PRKCSH: variants seen among roughly 807,000 people sequenced by gnomAD.
The protein encoded by PRKCSH is glucosidase 2 subunit beta.
A neutral mutation model predicts 79.7 loss-of-function variants in PRKCSH; 42 were observed. The ratio of observed to expected loss-of-function variants is 0.53; its 90% CI spans 0.41 to 0.68. The LOEUF (loss-of-function observed/expected upper bound fraction) is 0.68. Among genes scored for constraint, PRKCSH ranks in the 30% least tolerant of loss-of-function variants. The probability of loss-of-function intolerance (pLI) is 0.00; values close to 1 mark genes in which losing one functional copy is unlikely to be tolerated. For missense variants in PRKCSH, 686 were observed against 709.0 expected, an observed-to-expected ratio of 0.97 and a Z score of 0.37; for synonymous variants, 325 against 288.2, an observed-to-expected ratio of 1.13 and a Z score of -1.29.
chr19:11,444,177 C>T (rs557866623), intron 7 of PRKCSH, among the ~76,000 whole-genome samples: 1 of 152,346 alleles, frequency 6.6e-6, no homozygotes, highest in Non-Finnish European at 1.5e-5. Flanking sequence ...AATTCACTGT[C>T]TGGCTCTGTC....
rs896966538 is a variant in PRKCSH at position 11,435,817 on chromosome 19, G to A, written c.-78+111G>A. ...GGCTGTTAATCCCTTTGGTCTGTTG[G>A]CGGGAATTGGGTCACAATTGGGCAC... On this transcript the variant is annotated intron_variant, in intron 1 of 17. Coordinates refer to ENST00000677123, the MANE Select transcript of PRKCSH (RefSeq NM_001289104.2). 14 of 1,382,084 alleles carry A rather than the reference G, an allele frequency of 1.0e-5. No homozygotes were observed. The Admixed American group carries it at 3.0e-4, about 30-fold the overall frequency. The allele number at this position is 1,382,084 out of a possible 1,614,324, so 85.6% of individuals were successfully genotyped here. A position where few individuals can be genotyped will look rare whatever the true frequency, so the allele number is the denominator to read the frequency against.
chr19:11,445,471 G>A lies in PRKCSH; in HGVS notation c.681G>A (p.Gly227=). The change falls in exon 8 of 18, where the codon GGG becomes GGA. Residue 227 remains glycine, a splice_region_variant and synonymous_variant. Transcript: ENST00000677123. The part of the protein sequence containing the change: ...AFKELDDDMD[G]TVSVTELQTH... ...AGGAGCTGGATGATGACATGGACGG[G>A]ACGTGAGTGTCCCCTAGTTGGAGCT... The A allele has an allele frequency of 1.9e-6, 3 of 1,613,860 alleles. No homozygotes were observed. The highest frequency in any genetic ancestry group is 2.5e-6 in the Non-Finnish European group (3 of 1,179,884).
At chr19:11,441,480 G>T (rs1346944476) in intron 6 of PRKCSH, 123 bp downstream of exon 6, 8 of 895,782 alleles carry the variant, frequency 8.9e-6, no homozygotes, top group African/African-American at 1.6e-5. Context: ...CTGCCTTTCG[G>T]AGCTTTGCTT....
intron 9 of PRKCSH, 89 bp downstream of exon 9, chr19:11,446,439 C>T (rs1033085709): frequency 6.9e-7 from 1 of 1,452,266 alleles, no homozygotes; most frequent in South Asian, 1.2e-5. Flanking sequence ...AAGGAAAGCT[C>T]CTTGCTGGCC....
At chr19:11,437,525 G>A (rs577423783) in intron 3 of PRKCSH, among the ~76,000 whole-genome samples, 110 of 151,200 alleles carry the variant, frequency 7.3e-4, no homozygotes, top group African/African-American at 2.4e-3. Flanking sequence ...CTAATTTTTC[G>A]TATTTTTAGT....
At chr19:11,443,213 G>A (rs1297986764) in intron 7 of PRKCSH, among the ~76,000 whole-genome samples, 2 of 151,404 alleles carry the variant, frequency 1.3e-5, no homozygotes, top group African/African-American at 4.9e-5. Flanking sequence ...AGGAGTTCGA[G>A]ACCACCCTGG....
Position 11,449,471 on chromosome 19 carries a change from G to T in PRKCSH, c.*16+43G>T. ...GTCTCGTCGGCCTGCCCCAGCAAGGGGAGGCGGCGGGCCCTGAGGAAGATG... is the reference window on the plus strand; with the variant it reads ...GTCTCGTCGGCCTGCCCCAGCAAGGTGAGGCGGCGGGCCCTGAGGAAGATG... On this transcript the variant is annotated intron_variant, in intron 17 of 17. Coordinates refer to ENST00000677123, the MANE Select transcript of PRKCSH (RefSeq NM_001289104.2). This position sits in a 1 kb window ranked among gnomAD's most constrained non-coding sequence, Gnocchi z 6.4. 1 of 1,611,280 alleles carries T rather than the reference G, an allele frequency of 6.2e-7. No individual in the cohort carries two copies.
intron 1 of PRKCSH, 131 bp downstream of exon 1, chr19:11,435,837 G>A (rs1216314119): frequency 2.4e-6 from 3 of 1,258,268 alleles, no homozygotes; most frequent in African/African-American, 3.0e-5. Flanking sequence ...GGTCACAATT[G>A]GGCACAGGGA....
At chr19:11,442,896 G>T (rs541965735) in intron 7 of PRKCSH, among the ~76,000 whole-genome samples, 1 of 152,096 alleles carries the variant, frequency 6.6e-6, no homozygotes, top group South Asian at 2.1e-4. Flanking sequence ...TAGAGACGGG[G>T]TTTCACAATG....
intron 5 of PRKCSH, among the ~76,000 whole-genome samples, chr19:11,439,605 CTTTTTTTT>C (rs758607686): frequency 3.2e-4 from 22 of 68,848 alleles, no homozygotes; most frequent in African/African-American, 7.4e-4. Context: ...TTTTTCTTTT[CTTTTTTTT>C]TTTTTTTTTT....
In PRKCSH at chr19:11,447,841, G is replaced by T. The variant is rs529689448; in HGVS notation, c.1126+52G>T. 4.0e-6 allele frequency: 6 copies of T among 1,499,860 alleles called. No individual in the cohort carries two copies. Among genetic ancestry groups the T allele is most frequent in the South Asian group, 3.9e-5 (3 of 77,738 alleles). The allele number at this position is 1,499,860 out of a possible 1,614,324, so 92.9% of individuals were successfully genotyped here. Reference sequence around the variant, plus strand: ...TCGGGTGGGCCCAGCGTTTCCTGCCGTGGTGGCACAGGTCGAGGGAAGATC... The same window carrying T: ...TCGGGTGGGCCCAGCGTTTCCTGCCTTGGTGGCACAGGTCGAGGGAAGATC... On this transcript the variant is annotated intron_variant, in intron 12 of 17. Coordinates refer to ENST00000677123, the MANE Select transcript of PRKCSH (RefSeq NM_001289104.2). This position sits in a 1 kb window ranked among gnomAD's most constrained non-coding sequence, Gnocchi z 5.6.
chr19:11,435,785 C>T (rs1305213012), intron 1 of PRKCSH, 79 bp downstream of exon 1: 3 of 1,402,388 alleles, frequency 2.1e-6, no homozygotes, highest in Non-Finnish European at 2.8e-6. Flanking sequence ...TGGGTGTGGA[C>T]GGCGGAGGCT....
Position 11,448,857 on chromosome 19 carries a change from G to A in PRKCSH, c.1287-57G>A, listed in dbSNP as rs1005558263. 1.9e-6 allele frequency: 3 copies of A among 1,599,886 alleles called. No individual in the cohort carries two copies. Among genetic ancestry groups the A allele is most frequent in the Non-Finnish European group, 2.6e-6 (3 of 1,167,470 alleles). On this transcript the variant is annotated intron_variant, in intron 14 of 17. Transcript: ENST00000677123. This position sits in a 1 kb window ranked among gnomAD's most constrained non-coding sequence, Gnocchi z 4.4. ...CTGGAGGAGGCGGTGGGGGGTGGCTGTGGGAGGAGGCTGGAATCCCTGCGT... is the reference window on the plus strand; with the variant it reads ...CTGGAGGAGGCGGTGGGGGGTGGCTATGGGAGGAGGCTGGAATCCCTGCGT...
rs1969733936 is a variant in PRKCSH, at chr19:11,436,284, C to T, written c.79+88C>T. ...GGGATAGGCATTTACAGCCTTTTGA[C>T]TCAGTTTCCCGGTAGTGCTCCGCTG... On this transcript the variant is annotated intron_variant, in intron 2 of 17. Coordinates refer to ENST00000677123, the MANE Select transcript of PRKCSH (RefSeq NM_001289104.2). 4 of 1,587,520 alleles carry T rather than the reference C, an allele frequency of 2.5e-6. No homozygotes were observed. In the African/African-American group the frequency reaches 4.0e-5, roughly 16 times the overall value.
At position 11,447,179 on chromosome 19, in the gene PRKCSH, AG is replaced by A. The variant is rs752808297; in HGVS notation, c.849+23del. ...GTCCGAGGTCAGTGGAGGAGAAGGG[AG>A]GGGACTTGGTCCTCCCACCACACTG... On this transcript the variant is annotated intron_variant, in intron 10 of 17. Coordinates refer to ENST00000677123, the MANE Select transcript of PRKCSH (RefSeq NM_001289104.2). This position sits in a 1 kb window ranked among gnomAD's most constrained non-coding sequence, Gnocchi z 5.6. 1.2e-6 allele frequency: 2 copies of A among 1,612,112 alleles called. No homozygotes were observed. Among genetic ancestry groups the A allele is most frequent in the Non-Finnish European group, 1.7e-6 (2 of 1,178,478 alleles).
rs1970337211 is a variant in PRKCSH, at chr19:11,447,006, G to A, written c.763-68G>A. On this transcript the variant is annotated intron_variant, in intron 9 of 17. Transcript: ENST00000677123. This position sits in a 1 kb window ranked among gnomAD's most constrained non-coding sequence, Gnocchi z 5.6. ...TCCCGTGCCTGGCACCGCAGCCCGG[G>A]TGCCGGGGTGGCCGAGATGGGGGAC... 1.3e-6 allele frequency: 2 copies of A among 1,545,584 alleles called. No homozygotes were observed. Among genetic ancestry groups the A allele is most frequent in the Non-Finnish European group, 8.9e-7 (1 of 1,117,944 alleles).
intron 6 of PRKCSH, among the ~76,000 whole-genome samples, chr19:11,442,162 A>G (rs1970090664): frequency 6.6e-6 from 1 of 152,136 alleles, no homozygotes; most frequent in Non-Finnish European, 1.5e-5. Flanking sequence ...GGGGCTGGAG[A>G]ATCAGGCAGG....
Position 11,442,493 on chromosome 19 carries a change from G to A in PRKCSH, c.576G>A (p.Glu192=), listed in dbSNP as rs771917530. The change falls in exon 7 of 18, where the codon GAG becomes GAA. Residue 192 remains glutamate, a synonymous_variant. Transcript: ENST00000677123. ...EAEKPEREAK[E]QHQKLWEEQL... ...AGAAGCCAGAGAGAGAGGCCAAAGA[G>A]CAGCACCAGAAGCTGTGGGAAGGTA... is the stretch of plus-strand genomic sequence containing the variant. The A allele has an allele frequency of 3.1e-6, 5 of 1,611,588 alleles. No homozygotes were observed. The South Asian group carries it at 5.5e-5, about 18-fold the overall frequency.
At chr19:11,442,076 C>T (rs192334948) in intron 6 of PRKCSH, among the ~76,000 whole-genome samples, 5 of 152,264 alleles carry the variant, frequency 3.3e-5, no homozygotes, top group East Asian at 1.9e-4. Flanking sequence ...TTTGAAGAAC[C>T]GGAGGCAGAA....
Sources: allele counts gnomAD v4.1 joint callset (sites outside exome capture counted in the v4.1 genomes callset), GRCh38; gene constraint gnomAD v4.1.1; non-coding constraint Gnocchi (gnomAD v3.1); transcripts MANE v1.5; gene names NCBI Gene and HGNC (gene_info 2026-07-23, HGNC 2026-07-21).